Variants in NTRK3 observed in about 807,000 individuals in gnomAD.
NTRK3 encodes the protein NT-3 growth factor receptor.
In NTRK3, 24 loss-of-function variants were observed where a neutral mutation model predicts 91.7. That is an observed-to-expected ratio of 0.26 (90% CI 0.19 to 0.37). NTRK3 has a LOEUF of 0.37. Among genes scored for constraint, NTRK3 ranks in the 10% least tolerant of loss-of-function variants. NTRK3 has a pLI of 1.00. For synonymous variants in NTRK3, 483 were observed against 404.0 expected (o/e 1.20, Z -2.34); for missense variants, 880 against 1,068.9 (o/e 0.82, Z 2.46).
At chr15:87,899,768 G>C (rs1418053660) in intron 17 of NTRK3, among the ~76,000 whole-genome samples, 5 of 152,138 alleles carry the variant, frequency 3.3e-5, no homozygotes, top group Non-Finnish European at 7.4e-5. Context: ...CATGGGAGAG[G>C]ACATAAAGAA....
At chr15:88,069,127 C>G (rs2046898857) in intron 13 of NTRK3, among the ~76,000 whole-genome samples, 1 of 152,154 alleles carries the variant, frequency 6.6e-6, no homozygotes, top group Non-Finnish European at 1.5e-5. Flanking sequence ...GATCTTGAAA[C>G]TTCAGTCCCA....
chr15:88,238,913 G>T (rs146539089), intron 3 of NTRK3, among the ~76,000 whole-genome samples: 1 of 152,192 alleles, frequency 6.6e-6, no homozygotes, highest in Non-Finnish European at 1.5e-5. Context: ...GTTATTTACC[G>T]CTGTGGCCTT....
chr15:87,902,211 T>G (rs1212437773), intron 17 of NTRK3, among the ~76,000 whole-genome samples: 1 of 152,240 alleles, frequency 6.6e-6, no homozygotes, highest in Non-Finnish European at 1.5e-5. Flanking sequence ...AAGCCAGTCA[T>G]GGACTTTGCT....
At chr15:87,892,080 C>T (rs1454603495) in intron 17 of NTRK3, among the ~76,000 whole-genome samples, 6 of 64,104 alleles carry the variant, frequency 9.4e-5, no homozygotes, top group Non-Finnish European at 1.1e-4. Context: ...TGCCCCCATC[C>T]CCAACACACA....
At chr15:88,064,515 T>C (rs1038836442) in intron 13 of NTRK3, among the ~76,000 whole-genome samples, 7 of 152,184 alleles carry the variant, frequency 4.6e-5, no homozygotes, top group Non-Finnish European at 7.3e-5. Context: ...AAGTAGGTTC[T>C]ACAATTATCC....
rs867229575 is a variant in NTRK3, at chr15:88,256,448, G to A, written c.-180C>T. 1.7e-4 allele frequency: 94 copies of A among 537,770 alleles called. 1 individual carries two copies. Among genetic ancestry groups the A allele is most frequent in the African/African-American group, 1.7e-3 (82 of 49,360 alleles). 33.3% of individuals were successfully genotyped at this position (537,770 alleles called of 1,614,324 possible). A position where few individuals can be genotyped will look rare whatever the true frequency, so the allele number is the denominator to read the frequency against. ...CGGCGATCGCTGACTCGCCGGGTCC[G>A]GGGGCTCTGGAAGCGAGGCGCGCTC... On this transcript the variant is annotated 5_prime_UTR_variant, in exon 2 of 19. Coordinates refer to ENST00000394480, the Ensembl canonical transcript of NTRK3.
chr15:88,073,572 A>C (rs1306015115), intron 13 of NTRK3, among the ~76,000 whole-genome samples: 1 of 152,182 alleles, frequency 6.6e-6, no homozygotes, highest in Non-Finnish European at 1.5e-5. Flanking sequence ...TAAGCAAAGA[A>C]AACCCAGAGT....
At chr15:88,132,216 C>A (rs2041425200) in intron 10 of NTRK3, among the ~76,000 whole-genome samples, 1 of 152,244 alleles carries the variant, frequency 6.6e-6, no homozygotes, top group African/African-American at 2.4e-5. Context: ...CAGAAAATGA[C>A]TACTGGTTCT....
At chr15:87,972,424 C>T (rs538954548) in intron 14 of NTRK3, among the ~76,000 whole-genome samples, 28 of 152,332 alleles carry the variant, frequency 1.8e-4, no homozygotes, top group East Asian at 7.7e-4. Context: ...GGCAGCCTCA[C>T]TCCTTGCTCT....
chr15:87,889,798 C>A (rs2065756734), intron 17 of NTRK3, among the ~76,000 whole-genome samples: 1 of 152,056 alleles, frequency 6.6e-6, no homozygotes, highest in South Asian at 2.1e-4. Flanking sequence ...AATGCCTTAA[C>A]ACCAAATACC....
At chr15:87,971,980 A>G (rs1437353974) in intron 14 of NTRK3, among the ~76,000 whole-genome samples, 1 of 152,214 alleles carries the variant, frequency 6.6e-6, no homozygotes, top group Non-Finnish European at 1.5e-5. Flanking sequence ...AGGTAGTGTG[A>G]GCTTTGGAGT....
exon 19 of NTRK3, chr15:87,863,069 A>G (rs1221129143): frequency 4.3e-6 from 1 of 230,748 alleles, no homozygotes; most frequent in Non-Finnish European, 8.6e-6. Flanking sequence ...TGTTATAAAG[A>G]CTTGTGTAGG....
intron 13 of NTRK3, among the ~76,000 whole-genome samples, chr15:88,083,038 G>A (rs2048196083): frequency 6.6e-6 from 1 of 152,186 alleles, no homozygotes; most frequent in Non-Finnish European, 1.5e-5. Flanking sequence ...ATGACTGCGG[G>A]TGGGAAAAAC....
At chr15:88,121,730 G>C (rs554008434) in intron 13 of NTRK3, among the ~76,000 whole-genome samples, 4 of 152,248 alleles carry the variant, frequency 2.6e-5, no homozygotes, top group African/African-American at 9.6e-5. Context: ...GGACCTCCAG[G>C]GCCCTGCTCC....
At chr15:88,095,972 C>T (rs1254584472) in intron 13 of NTRK3, among the ~76,000 whole-genome samples, 2 of 152,198 alleles carry the variant, frequency 1.3e-5, no homozygotes, top group Non-Finnish European at 2.9e-5. Context: ...TTTTTAGCAG[C>T]CCAGCATTCA....
rs984690996 is a variant in NTRK3, at chr15:88,240,881, C to T, written c.248+15025G>A. ...CCTGCTAAGGGCAAAGCCCGAGGCC[C>T]ACAAAGGTGTGGAGAGCAATGAGAA... On this transcript the variant is annotated intron_variant, in intron 3 of 18. Transcript: ENST00000394480. The surrounding 1 kb of genome is among the most constrained non-coding windows in gnomAD (Gnocchi z 4.9). Among the ~76,000 whole-genome samples, 3 of 152,242 alleles carry T rather than the reference C, an allele frequency of 2.0e-5. No homozygotes were observed. The highest frequency in any genetic ancestry group is 7.2e-5 in the African/African-American group (3 of 41,466).
chr15:88,128,845 T>A (rs1308318793), intron 10 of NTRK3, 111 bp from the exon 11 acceptor site: 1 of 970,326 alleles, frequency 1.0e-6, no homozygotes, highest in Non-Finnish European at 1.7e-6. Context: ...TTCCCTGTTC[T>A]CATGGCAACT....
In NTRK3 at chr15:87,877,140, A is replaced by G. The variant is rs201599302; in HGVS notation, c.2293-20T>C. 6.2e-7 allele frequency: 1 copy of G among 1,613,140 alleles called. No homozygotes were observed. The highest frequency in any genetic ancestry group is 2.2e-5 in the East Asian group (1 of 44,832). On this transcript the variant is annotated intron_variant, in intron 18 of 18. Coordinates refer to ENST00000394480, the Ensembl canonical transcript of NTRK3. ...AATGACCTGAAAGAGTGAGAAGAAC[A>G]AGGAAGTTACACCCAAAGCTCAGCC...
intron 3 of NTRK3, among the ~76,000 whole-genome samples, chr15:88,246,148 C>T (rs969232487): frequency 2.6e-5 from 4 of 152,210 alleles, no homozygotes. Flanking sequence ...TAGGAGGACA[C>T]TCATTTGTGC....
Sources: allele counts gnomAD v4.1 joint callset (sites outside exome capture counted in the v4.1 genomes callset), GRCh38; gene constraint gnomAD v4.1.1; non-coding constraint Gnocchi (gnomAD v3.1); transcripts MANE v1.5; gene names NCBI Gene and HGNC (gene_info 2026-07-23, HGNC 2026-07-21).